ZNF561: variants seen among roughly 807,000 people sequenced by gnomAD.
ZNF561 encodes zinc finger protein 561.
A neutral mutation model predicts 16.7 loss-of-function variants in ZNF561; 16 were observed. The observed-to-expected ratio is 0.96, with a 90% CI of 0.65 to 1.45. The LOEUF is 1.45. Ranked by LOEUF, ZNF561 falls within the 40% of genes most tolerant of loss-of-function variation. ZNF561 has a pLI of 0.00. For synonymous variants in ZNF561, 190 were observed against 192.1 expected (o/e 0.99, Z 0.09); for missense variants, 580 against 578.0 (o/e 1.00, Z -0.04).
chr19:9,611,392 A>C, intron 5 of ZNF561, 56 bp from the exon 6 acceptor site: 1 of 1,499,798 alleles, frequency 6.7e-7, no homozygotes, highest in Non-Finnish European at 8.9e-7. Flanking sequence ...AAGAGATTTC[A>C]CCCATCTGAA....
At chr19:9,614,209 G>C in intron 4 of ZNF561, 106 bp from the exon 5 acceptor site, 1 of 1,415,700 alleles carries the variant, frequency 7.1e-7, no homozygotes, top group South Asian at 1.2e-5. Flanking sequence ...TAAAATAAAA[G>C]CCAGAGAACC....
At chr19:9,617,531 T>A in intron 3 of ZNF561, 1 of 336,040 alleles carries the variant, frequency 3.0e-6, no homozygotes, top group Non-Finnish European at 5.7e-6. Context: ...TTTATTTATT[T>A]ATATATAAAA....
rs1313230832 is a variant in ZNF561, at chr19:9,609,343, G to C, written c.*857C>G. ...TGTCTTAATTCCTCTAGAGCTGCTG[G>C]GTCAGGGTCTCCATGACCCAGCTGG... On this transcript the variant is annotated 3_prime_UTR_variant, in exon 6 of 6. Coordinates refer to ENST00000302851, the MANE Select transcript of ZNF561 (RefSeq NM_152289.3). The C allele has an allele frequency of 1.3e-5, 2 of 152,084 alleles. No homozygotes were observed. The highest frequency in any genetic ancestry group is 4.8e-5 in the African/African-American group (2 of 41,398). The allele number at this position is 152,084 out of a possible 1,614,324, so 9.4% of individuals were successfully genotyped here.
rs1599220604 is a variant in ZNF561 at position 9,611,198 on chromosome 19, T to G, written c.463A>C (p.Thr155Pro). The G allele has an allele frequency of 6.2e-7, 1 of 1,613,796 alleles. No homozygotes were observed. The highest frequency in any genetic ancestry group is 1.3e-5 in the African/African-American group (1 of 74,896). Residue 155 changes from threonine (T) to proline (P), a missense_variant, in exon 6 of 6, where the codon ACC becomes CCC. Thr to Pro is a conservative substitution (Grantham distance 38). Coordinates refer to ENST00000302851, the MANE Select transcript of ZNF561 (RefSeq NM_152289.3). The stretch of plus-strand genomic sequence containing the variant: ...GAGGCTTCCTTGTGCACACTGAGGG[T>G]GTCTTTTCCATAACAATTACCCTCA... ...TSEGNCYGKD[T>P]LSVHKEASTG...
rs2074564455 is a variant in ZNF561 at position 9,616,899 on chromosome 19, T to A, written c.241+146A>T. ...ATGAGCCACTGCGCCCGGCCTAGAA[T>A]TTTTTTTTTAAGAGACAAGGTATCA... On this transcript the variant is annotated intron_variant, in intron 4 of 5. Coordinates refer to ENST00000302851, the MANE Select transcript of ZNF561 (RefSeq NM_152289.3). The A allele has an allele frequency of 7.0e-6, 6 of 852,134 alleles. No homozygotes were observed. In the African/African-American group the frequency reaches 7.1e-5, roughly 10 times the overall value. The allele number at this position is 852,134 out of a possible 1,614,324, so 52.8% of individuals were successfully genotyped here.
In ZNF561 at chr19:9,610,160, T is replaced by C. The variant is rs757573781; in HGVS notation, c.*40A>G. On this transcript the variant is annotated 3_prime_UTR_variant, in exon 6 of 6. Coordinates refer to ENST00000302851, the MANE Select transcript of ZNF561 (RefSeq NM_152289.3). ...GCATTTAGGACAAATCTGATAATCT[T>C]TGGTGTCATTGCCAATAATTAAAGA... 1.1e-4 allele frequency: 170 copies of C among 1,508,496 alleles called. 1 individual carries two copies. The South Asian group carries it at 2.1e-3, about 19-fold the overall frequency. The allele number at this position is 1,508,496 out of a possible 1,614,324, so 93.4% of individuals were successfully genotyped here. A position where few individuals can be genotyped will look rare whatever the true frequency, so the allele number is the denominator to read the frequency against.
At position 9,611,199 on chromosome 19, in the gene ZNF561, G is replaced by A. The variant is rs768710950; in HGVS notation, c.462C>T (p.Asp154=). The part of the protein sequence containing the change: ...NTSEGNCYGK[D]TLSVHKEAST... ...AGGCTTCCTTGTGCACACTGAGGGT[G>A]TCTTTTCCATAACAATTACCCTCAG... The change falls in exon 6 of 6, where the codon GAC becomes GAT. Residue 154 remains aspartate, a synonymous_variant. Transcript: ENST00000302851. 6.8e-6 allele frequency: 11 copies of A among 1,613,918 alleles called. No homozygotes were observed. The highest frequency in any genetic ancestry group is 9.3e-6 in the Non-Finnish European group (11 of 1,179,864).
intron 5 of ZNF561, among the ~76,000 whole-genome samples, chr19:9,613,713 C>T (rs2074502600): frequency 6.6e-6 from 1 of 152,316 alleles, no homozygotes; most frequent in East Asian, 1.9e-4. Context: ...GATGGAGTTT[C>T]ACCATGTCGG....
At chr19:9,617,654 G>A (rs769754845) in intron 3 of ZNF561, 2 of 456,944 alleles carry the variant, frequency 4.4e-6, no homozygotes, top group Non-Finnish European at 8.8e-6. Flanking sequence ...TTACAGGCAT[G>A]AGCCACTGCA....
In ZNF561 at chr19:9,611,389, T is replaced by C. The variant is rs918341174; in HGVS notation, c.325-53A>G. 7.2e-6 allele frequency: 11 copies of C among 1,527,568 alleles called. No homozygotes were observed. The Admixed American group carries it at 2.3e-4, about 32-fold the overall frequency. 94.6% of individuals were successfully genotyped at this position (1,527,568 alleles called of 1,614,324 possible). A position where few individuals can be genotyped will look rare whatever the true frequency, so the allele number is the denominator to read the frequency against. On this transcript the variant is annotated intron_variant, in intron 5 of 5. Coordinates refer to ENST00000302851, the MANE Select transcript of ZNF561 (RefSeq NM_152289.3). The stretch of plus-strand genomic sequence containing the variant: ...AACATTTTCAGACATATTAAGAGAT[T>C]TCACCCATCTGAACACAGAAGCATT...
Position 9,618,123 on chromosome 19 carries a change from T to C in ZNF561, c.82A>G (p.Met28Val), listed in dbSNP as rs2074592020. The change falls in exon 3 of 6, where the codon ATG (methionine) becomes GTG (valine). Residue 28 changes from methionine (M) to valine (V), a missense_variant. Physicochemically the swap from Met to Val is conservative, Grantham distance 21. Coordinates refer to ENST00000302851, the MANE Select transcript of ZNF561 (RefSeq NM_152289.3). ...PFEEKTKVER[M>V]VEDYLASGYQ... Reference sequence around the variant, plus strand: ...CCACTTGCCAGGTAGTCCTCCACCATCCTTTCTACCTTTGTCTTTTCTTCA... The same window carrying C: ...CCACTTGCCAGGTAGTCCTCCACCACCCTTTCTACCTTTGTCTTTTCTTCA... 1 of 1,551,352 alleles carries C rather than the reference T, an allele frequency of 6.4e-7. No homozygotes were observed. The highest frequency in any genetic ancestry group is 2.4e-5 in the East Asian group (1 of 40,894).
intron 4 of ZNF561, among the ~76,000 whole-genome samples, chr19:9,614,840 CTTT>C (rs779251988): frequency 7.3e-5 from 10 of 137,552 alleles, no homozygotes; most frequent in Admixed American, 7.3e-5. Flanking sequence ...CTTTAAAAAT[CTTT>C]TTTTTTTTTT....
At chr19:9,616,883 TG>T (rs2074563946) in intron 4 of ZNF561, 161 bp downstream of exon 4, 2 of 955,090 alleles carry the variant, frequency 2.1e-6, no homozygotes, top group Admixed American at 6.1e-5. Context: ...CATGAGCCAC[TG>T]CGCCCGGCCT....
rs2074382505 is a variant in ZNF561, at chr19:9,608,109, G to A, written c.*2091C>T. On this transcript the variant is annotated 3_prime_UTR_variant, in exon 6 of 6. Coordinates refer to ENST00000302851, the MANE Select transcript of ZNF561 (RefSeq NM_152289.3). The stretch of plus-strand genomic sequence containing the variant: ...GACAGTCTCGATCTCCTGACCTCGT[G>A]ATCCGCCCACCTCGGCCTCCCAAAG... The A allele has an allele frequency of 6.6e-6, 1 of 152,246 alleles. No homozygotes were observed. Among genetic ancestry groups the A allele is most frequent in the Admixed American group, 6.6e-5 (1 of 15,252 alleles). 9.4% of individuals were successfully genotyped at this position (152,246 alleles called of 1,614,324 possible). A position where few individuals can be genotyped will look rare whatever the true frequency, so the allele number is the denominator to read the frequency against.
At chr19:9,615,685 C>CA (rs939851714) in intron 4 of ZNF561, among the ~76,000 whole-genome samples, 1 of 151,186 alleles carries the variant, frequency 6.6e-6, no homozygotes, top group Admixed American at 6.6e-5. Context: ...GTGGGTGGAT[C>CA]ACCCGAGGTC....
intron 5 of ZNF561, among the ~76,000 whole-genome samples, chr19:9,613,180 AAGTTATAC>A (rs1468830307): frequency 6.6e-6 from 1 of 152,204 alleles, no homozygotes; most frequent in African/African-American, 2.4e-5. Context: ...TTGAGGTGAC[AAGTTATAC>A]AGATATGGAA....
Position 9,618,109 on chromosome 19 carries a change from G to A in ZNF561, c.96C>T (p.Tyr32=). ...TGCTTACCTGATAACCACTTGCCAG[G>A]TAGTCCTCCACCATCCTTTCTACCT... ...KTKVERMVED[Y]LASGYQDSVT... Residue 32 remains tyrosine, a synonymous_variant, in exon 3 of 6, where the codon TAC becomes TAT. Coordinates refer to ENST00000302851, the MANE Select transcript of ZNF561 (RefSeq NM_152289.3). The A allele has an allele frequency of 6.4e-7, 1 of 1,551,176 alleles. No individual in the cohort carries two copies. Among genetic ancestry groups the A allele is most frequent in the South Asian group, 1.2e-5 (1 of 84,050 alleles).
At chr19:9,618,721 G>A (rs552060812) in intron 2 of ZNF561, among the ~76,000 whole-genome samples, 47 of 149,912 alleles carry the variant, frequency 3.1e-4, no homozygotes, top group East Asian at 2.9e-3. Context: ...GCAAGACTCC[G>A]TCTCAAAAAA....
intron 5 of ZNF561, among the ~76,000 whole-genome samples, chr19:9,613,031 T>C (rs1308949797): frequency 6.6e-6 from 1 of 151,314 alleles, no homozygotes. Context: ...GCTCAAGTGA[T>C]TCTCCTGCCT....
Sources: allele counts gnomAD v4.1 joint callset (sites outside exome capture counted in the v4.1 genomes callset), GRCh38; gene constraint gnomAD v4.1.1; transcripts MANE v1.5; gene names NCBI Gene and HGNC (gene_info 2026-07-23, HGNC 2026-07-21).